Variants in RAB3B observed in about 807,000 individuals in gnomAD.
RAB3B encodes the protein ras-related protein Rab-3B.
RAB3B carries 11 observed loss-of-function variants against 20.5 expected under a neutral mutation model. The ratio of observed to expected loss-of-function variants is 0.54; its 90% CI spans 0.34 to 0.89. The LOEUF (loss-of-function observed/expected upper bound fraction) is 0.89. RAB3B is among the 40% of genes least tolerant of loss of function. The probability of loss-of-function intolerance (pLI) is 0.02; values close to 1 mark genes in which losing one functional copy is unlikely to be tolerated. For missense variants in RAB3B, 225 were observed against 280.9 expected (o/e 0.80, Z 1.42); for synonymous variants, 99 against 106.3 (o/e 0.93, Z 0.42).
At chr1:51,981,775 A>T (rs996299629) in intron 1 of RAB3B, among the ~76,000 whole-genome samples, 9 of 152,226 alleles carry the variant, frequency 5.9e-5, no homozygotes, top group African/African-American at 2.2e-4. Context: ...CATAGTAGCC[A>T]TGGTAACATT....
At chr1:51,982,535 T>G (rs1685101017) in intron 1 of RAB3B, among the ~76,000 whole-genome samples, 1 of 152,074 alleles carries the variant, frequency 6.6e-6, no homozygotes, top group Non-Finnish European at 1.5e-5. Flanking sequence ...GGCAGATCAC[T>G]TAAGGTCAGG....
intron 2 of RAB3B, among the ~76,000 whole-genome samples, chr1:51,951,786 C>T (rs547320343): frequency 1.3e-5 from 2 of 152,234 alleles, no homozygotes; most frequent in African/African-American, 4.8e-5. Context: ...TGCACTCCAG[C>T]CTGGGTGACA....
chr1:51,957,957 A>G (rs1684733019), intron 2 of RAB3B, among the ~76,000 whole-genome samples: 1 of 152,194 alleles, frequency 6.6e-6, no homozygotes, highest in African/African-American at 2.4e-5. Context: ...CTCCTCACAA[A>G]ATGGCACCTC....
At position 51,915,660 on chromosome 1, in the gene RAB3B, T is replaced by C. The variant is rs1314095678; in HGVS notation, c.*4267A>G. The C allele has an allele frequency of 6.9e-6, 1 of 145,576 alleles. No individual in the cohort carries two copies. Among genetic ancestry groups the C allele is most frequent in the Non-Finnish European group, 1.5e-5 (1 of 66,070 alleles). The allele number at this position is 145,576 out of a possible 1,614,324, so 9.0% of individuals were successfully genotyped here. A position where few individuals can be genotyped will look rare whatever the true frequency, so the allele number is the denominator to read the frequency against. ...GCACTTTTGGCCACTTTTGCGTCTT[T>C]AGAAGTCAAGAGGTGTTTTTTGTTG... On this transcript the variant is annotated 3_prime_UTR_variant, in exon 5 of 5. Coordinates refer to ENST00000371655, the MANE Select transcript of RAB3B (RefSeq NM_002867.4).
In RAB3B at chr1:51,977,078, C is replaced by T. The variant is rs763377888; in HGVS notation, c.40G>A (p.Ala14Thr). Residue 14 changes from alanine to threonine, a missense_variant, in exon 2 of 5, where the codon GCC (alanine) becomes ACC (threonine). Transcript: ENST00000371655. ...VTDGKTGVKD[A>T]SDQNFDYMFK... ...ATGTAGTCAAAATTCTGGTCAGAGG[C>T]ATCTTTGACTCCAGTTTTACCATCT... 6.8e-6 allele frequency: 11 copies of T among 1,614,068 alleles called. No homozygotes were observed. The African/African-American group carries it at 1.5e-4, about 22-fold the overall frequency.
At chr1:51,975,331 C>T (rs1006257444) in intron 2 of RAB3B, among the ~76,000 whole-genome samples, 4 of 152,166 alleles carry the variant, frequency 2.6e-5, no homozygotes, top group African/African-American at 9.7e-5. Context: ...CTACATGTTG[C>T]TATATCATCT....
intron 2 of RAB3B, among the ~76,000 whole-genome samples, chr1:51,957,806 G>C (rs1231075375): frequency 2.0e-5 from 3 of 152,164 alleles, no homozygotes; most frequent in Non-Finnish European, 4.4e-5. Context: ...GGAACCACCT[G>C]AGCAAACTTC....
In RAB3B at chr1:51,909,203, G is replaced by A. The variant is rs997832346; in HGVS notation, c.*10724C>T. 6.6e-6 allele frequency: 1 copy of A among 152,218 alleles called. No individual in the cohort carries two copies. Among genetic ancestry groups the A allele is most frequent in the African/African-American group, 2.4e-5 (1 of 41,440 alleles). 9.4% of individuals were successfully genotyped at this position (152,218 alleles called of 1,614,324 possible). The stretch of plus-strand genomic sequence containing the variant: ...TGGGACAGGAGTGTGTATTGAGGTG[G>A]AGGGAAGGAGCTGAAAGAAGGAGGG... On this transcript the variant is annotated 3_prime_UTR_variant, in exon 5 of 5. Transcript: ENST00000371655.
At chr1:51,936,455 T>G (rs1043424451) in intron 3 of RAB3B, among the ~76,000 whole-genome samples, 2 of 152,178 alleles carry the variant, frequency 1.3e-5, no homozygotes, top group African/African-American at 4.8e-5. Flanking sequence ...CCACTGGAGC[T>G]ACAGTAATCT....
rs933871146 is a variant in RAB3B at position 51,916,996 on chromosome 1, C to T, written c.*2931G>A. On this transcript the variant is annotated 3_prime_UTR_variant, in exon 5 of 5. Transcript: ENST00000371655. ...CATAGTTTGTCTATAAAAGATGCAG[C>T]CCAGAATGTGGTTAAGAGCACAGAC... 2.6e-5 allele frequency: 4 copies of T among 152,152 alleles called. No individual in the cohort carries two copies. The highest frequency in any genetic ancestry group is 4.4e-5 in the Non-Finnish European group (3 of 68,030). 9.4% of individuals were successfully genotyped at this position (152,152 alleles called of 1,614,324 possible).
intron 2 of RAB3B, among the ~76,000 whole-genome samples, chr1:51,957,899 C>T (rs371881297): frequency 2.6e-5 from 4 of 152,188 alleles, no homozygotes; most frequent in East Asian, 3.8e-4. Flanking sequence ...TCAGTTGACA[C>T]GGCAACACAC....
chr1:51,931,235 C>A (rs1395391777), intron 4 of RAB3B, among the ~76,000 whole-genome samples: 1 of 152,126 alleles, frequency 6.6e-6, no homozygotes, highest in African/African-American at 2.4e-5. Flanking sequence ...CAGGGTTATG[C>A]CCCTGCCTGG....
intron 1 of RAB3B, among the ~76,000 whole-genome samples, chr1:51,988,099 T>C (rs1476190247): frequency 6.6e-6 from 1 of 152,102 alleles, no homozygotes; most frequent in African/African-American, 2.4e-5. Flanking sequence ...CAGGTATAAG[T>C]GAACCTACAC....
intron 1 of RAB3B, among the ~76,000 whole-genome samples, chr1:51,981,166 G>C (rs1489270793): frequency 6.6e-6 from 1 of 152,120 alleles, no homozygotes; most frequent in East Asian, 1.9e-4. Flanking sequence ...GAGTAGCTGG[G>C]ACTACAGGCA....
At chr1:51,979,802 G>A (rs1168218437) in intron 1 of RAB3B, among the ~76,000 whole-genome samples, 2 of 152,020 alleles carry the variant, frequency 1.3e-5, no homozygotes, top group African/African-American at 4.8e-5. Flanking sequence ...CCAGCACTTT[G>A]GGAGGCCGAG....
intron 2 of RAB3B, among the ~76,000 whole-genome samples, chr1:51,942,880 A>T (rs1337450144): frequency 1.3e-5 from 2 of 151,906 alleles, no homozygotes; most frequent in African/African-American, 4.8e-5. Context: ...CATTATTATT[A>T]TATCTGTCAT....
rs1047549879 is a variant in RAB3B at position 51,910,718 on chromosome 1, C to T, written c.*9209G>A. On this transcript the variant is annotated 3_prime_UTR_variant, in exon 5 of 5. Transcript: ENST00000371655. ...CCCAAGGCATCAGCACCAAGAGAGC[C>T]TGTAGAAACTATCTGGTCTAAGCTC... The T allele has an allele frequency of 2.0e-5, 3 of 152,160 alleles. No homozygotes were observed. The highest frequency in any genetic ancestry group is 7.2e-5 in the African/African-American group (3 of 41,450). The allele number at this position is 152,160 out of a possible 1,614,324, so 9.4% of individuals were successfully genotyped here. A position where few individuals can be genotyped will look rare whatever the true frequency, so the allele number is the denominator to read the frequency against.
intron 1 of RAB3B, among the ~76,000 whole-genome samples, chr1:51,981,308 G>A (rs1038934971): frequency 1.3e-5 from 2 of 152,122 alleles, no homozygotes; most frequent in South Asian, 2.1e-4. Context: ...AATTACAGGC[G>A]AGAGCCACCA....
intron 4 of RAB3B, among the ~76,000 whole-genome samples, chr1:51,924,497 T>TA (rs1684217211): frequency 6.6e-6 from 1 of 152,032 alleles, no homozygotes; most frequent in African/African-American, 2.4e-5. Context: ...ACAGCATGAA[T>TA]AGAGCACAGA....
Sources: gnomAD v4.1 joint callset for allele counts (sites outside exome capture counted in the v4.1 genomes callset) on GRCh38, gnomAD v4.1.1 for gene constraint, MANE v1.5 for transcripts, NCBI Gene and HGNC (gene_info 2026-07-23, HGNC 2026-07-21) for gene names.